The following PTPRK variants were observed in gnomAD, a reference collection of about 807,000 sequenced individuals.
PTPRK encodes the protein receptor-type tyrosine-protein phosphatase kappa.
In PTPRK, 75 loss-of-function variants were observed where a neutral mutation model predicts 178.0. That is an observed-to-expected ratio of 0.42 (90% confidence interval 0.35 to 0.51). The LOEUF (loss-of-function observed/expected upper bound fraction) is 0.51, where lower values mean the gene tolerates loss of function less well. Among genes scored for constraint, PTPRK ranks in the 20% least tolerant of loss-of-function variants. The probability of loss-of-function intolerance (pLI) is 0.02; values close to 1 mark genes in which losing one functional copy is unlikely to be tolerated. For missense variants in PTPRK, 1,441 were observed against 1,797.8 expected (o/e 0.80, Z 3.59); for synonymous variants, 637 against 620.6 (o/e 1.03, Z -0.39).
rs554378404 is a variant in PTPRK at position 128,089,216 on chromosome 6, G to A, written c.1465+474C>T. Among the ~76,000 whole-genome samples the A allele has an allele frequency of 5.8e-3, 889 of 152,150 alleles. 6 individuals are homozygous for A. Among genetic ancestry groups the A allele is most frequent in the Non-Finnish European group, 6.5e-3 (443 of 67,982 alleles). ...TGACCTCAGGTGATCCACCTGCCTC[G>A]GCCTCCCAAAGTGCTGGGATTACAG... On this transcript the variant is annotated intron_variant, in intron 8 of 29. Coordinates refer to ENST00000368226, the MANE Select transcript of PTPRK (RefSeq NM_002844.4).
rs553248184 is a variant in PTPRK at position 128,227,220 on chromosome 6, G to A, written c.694-8124C>T. ...TTGGCTGGTTGCTTCAAACGGCACTGTAGAAAGTGGAAACGTGATGCATAT... is the reference window on the plus strand; with the variant it reads ...TTGGCTGGTTGCTTCAAACGGCACTATAGAAAGTGGAAACGTGATGCATAT... On this transcript the variant is annotated intron_variant, in intron 5 of 29. Coordinates refer to ENST00000368226, the MANE Select transcript of PTPRK (RefSeq NM_002844.4). Among the ~76,000 whole-genome samples, 4 of 152,288 alleles carry A rather than the reference G, an allele frequency of 2.6e-5. No individual in the cohort carries two copies. The East Asian group carries it at 7.7e-4, about 29-fold the overall frequency.
intron 1 of PTPRK, among the ~76,000 whole-genome samples, chr6:128,438,092 T>TA (rs1845833920): frequency 6.6e-6 from 1 of 152,236 alleles, no homozygotes; most frequent in Non-Finnish European, 1.5e-5. Context: ...TCCGGGTATA[T>TA]AAACGGCCCC....
chr6:128,118,440 C>G (rs1364438658), intron 7 of PTPRK, among the ~76,000 whole-genome samples: 1 of 152,150 alleles, frequency 6.6e-6, no homozygotes. Context: ...TTTTACACAC[C>G]ACTTTTTACA....
intron 7 of PTPRK, among the ~76,000 whole-genome samples, chr6:128,097,001 T>C (rs1370787918): frequency 6.6e-6 from 1 of 152,164 alleles, no homozygotes; most frequent in East Asian, 1.9e-4. Context: ...ATGGAAAGGG[T>C]TGAGGATAAT....
intron 7 of PTPRK, among the ~76,000 whole-genome samples, chr6:128,133,353 T>C (rs896136774): frequency 1.3e-5 from 2 of 152,188 alleles, no homozygotes; most frequent in African/African-American, 2.4e-5. Context: ...ATATGACATA[T>C]ATAAATGATG....
rs142648985 is a variant in PTPRK at position 128,354,526 on chromosome 6, C to T, written c.224-32216G>A. Among the ~76,000 whole-genome samples, 1,477 of 152,230 alleles carry T rather than the reference C, an allele frequency of 9.7e-3. 23 individuals are homozygous for T. Among genetic ancestry groups the T allele is most frequent in the African/African-American group, 0.033 (1,357 of 41,542 alleles). On this transcript the variant is annotated intron_variant, in intron 2 of 29. Coordinates refer to ENST00000368226, the MANE Select transcript of PTPRK (RefSeq NM_002844.4). The stretch of plus-strand genomic sequence containing the variant: ...CTGGGATTACAGGCGTGAGCCACCA[C>T]GCCCAGCCTCCTTTACATGTTTAAT...
chr6:128,198,481 G>C (rs540709797), intron 6 of PTPRK, among the ~76,000 whole-genome samples: 12 of 152,236 alleles, frequency 7.9e-5, no homozygotes, highest in African/African-American at 2.6e-4. Context: ...GTGGGGGTAG[G>C]GGGCTAGGGG....
chr6:128,250,971 A>G (rs1278171011), intron 3 of PTPRK, among the ~76,000 whole-genome samples: 1 of 152,172 alleles, frequency 6.6e-6, no homozygotes, highest in Non-Finnish European at 1.5e-5. Context: ...ATATTAGAGA[A>G]AAGGAGCTTC....
intron 13 of PTPRK, among the ~76,000 whole-genome samples, chr6:128,013,541 T>C (rs1779276843): frequency 6.6e-6 from 1 of 151,448 alleles, no homozygotes; most frequent in Non-Finnish European, 1.5e-5. Context: ...TTTCAGTAAA[T>C]GGCAAAACTA....
At chr6:128,157,710 A>T (rs1402621605) in intron 7 of PTPRK, among the ~76,000 whole-genome samples, 1 of 151,964 alleles carries the variant, frequency 6.6e-6, no homozygotes, top group African/African-American at 2.4e-5. Context: ...ACATTTTTTC[A>T]TGTGTCTACT....
At chr6:128,353,929 T>C (rs2128338561) in intron 2 of PTPRK, among the ~76,000 whole-genome samples, 2 of 152,308 alleles carry the variant, frequency 1.3e-5, no homozygotes, top group Middle Eastern at 6.8e-3. Flanking sequence ...CAAGTTGTGA[T>C]AATGTACTAC....
chr6:128,385,746 T>C (rs542298329), intron 2 of PTPRK, among the ~76,000 whole-genome samples: 92 of 152,274 alleles, frequency 6.0e-4, no homozygotes, highest in African/African-American at 2.2e-3. Flanking sequence ...ACAGATTAAG[T>C]CTTCAAATAC....
chr6:128,074,040 C>T (rs1352659523), intron 11 of PTPRK, among the ~76,000 whole-genome samples: 2 of 152,136 alleles, frequency 1.3e-5, no homozygotes, highest in East Asian at 3.9e-4. Context: ...ATACATTTGT[C>T]TGTTAAGCTA....
At chr6:128,489,283 A>G (rs1486644477) in intron 1 of PTPRK, among the ~76,000 whole-genome samples, 1 of 152,224 alleles carries the variant, frequency 6.6e-6, no homozygotes, top group African/African-American at 2.4e-5. Context: ...AATAGATAAC[A>G]AATTGGCTTC....
intron 4 of PTPRK, among the ~76,000 whole-genome samples, chr6:128,242,212 C>T (rs1266995660): frequency 6.6e-6 from 1 of 152,024 alleles, no homozygotes; most frequent in Non-Finnish European, 1.5e-5. Context: ...TTTTTCTAGA[C>T]AATTTAATGA....
In PTPRK at chr6:128,005,186, T is replaced by G; in HGVS notation, c.2392A>C (p.Met798Leu). Reference protein sequence around the residue: ...MGNTRQEMTHMVNAMDRSYAD... With the variant: ...MGNTRQEMTHLVNAMDRSYAD... ...TAACTTCGATCCATTGCATTCACCA[T>G]GTGAGTCATCTCCTGCCGGGTATTC... is the stretch of plus-strand genomic sequence containing the variant. The change falls in exon 15 of 30, where the codon ATG becomes CTG. Residue 798 changes from methionine to leucine, a missense_variant. Met to Leu is a conservative substitution (Grantham distance 15, BLOSUM62 2). Coordinates refer to ENST00000368226, the MANE Select transcript of PTPRK (RefSeq NM_002844.4). The G allele has an allele frequency of 1.9e-6, 3 of 1,611,750 alleles. No individual in the cohort carries two copies. Among genetic ancestry groups the G allele is most frequent in the Non-Finnish European group, 2.5e-6 (3 of 1,178,602 alleles).
intron 6 of PTPRK, among the ~76,000 whole-genome samples, chr6:128,206,507 A>G (rs1185710939): frequency 6.6e-6 from 1 of 152,086 alleles, no homozygotes; most frequent in Non-Finnish European, 1.5e-5. Flanking sequence ...GTATAAAAAA[A>G]GGATTATCAG....
At chr6:128,247,430 G>A (rs935910555) in intron 3 of PTPRK, among the ~76,000 whole-genome samples, 6 of 151,856 alleles carry the variant, frequency 4.0e-5, no homozygotes, top group African/African-American at 1.2e-4. Context: ...AACAATTCTC[G>A]TGCTTCAGCC....
At chr6:128,451,216 C>A (rs1296931817) in intron 1 of PTPRK, among the ~76,000 whole-genome samples, 1 of 152,142 alleles carries the variant, frequency 6.6e-6, no homozygotes, top group African/African-American at 2.4e-5. Context: ...TGGGGAACAT[C>A]TAAATAACTT....
Sources: gnomAD v4.1 joint callset for allele counts (sites outside exome capture counted in the v4.1 genomes callset) on GRCh38, gnomAD v4.1.1 for gene constraint, MANE v1.5 for transcripts, NCBI Gene and HGNC (gene_info 2026-07-23, HGNC 2026-07-21) for gene names.